C2: variants seen among roughly 807,000 people sequenced by gnomAD.
C2 encodes C3/C5 convertase.
A neutral mutation model predicts 85.2 loss-of-function variants in C2; 64 were observed. The observed-to-expected ratio is 0.75, with a 90% CI of 0.61 to 0.92. The LOEUF (loss-of-function observed/expected upper bound fraction) is 0.92, where lower values mean the gene tolerates loss of function less well. C2 is among the 40% of genes least tolerant of loss of function. The probability of loss-of-function intolerance (pLI) is 0.00; values close to 1 mark genes in which losing one functional copy is unlikely to be tolerated. For synonymous variants in C2, 311 were observed against 370.8 expected (o/e 0.84, Z 1.85); for missense variants, 820 against 971.6 (o/e 0.84, Z 2.07).
intron 2 of C2, 126 bp from the exon 3 acceptor site, chr6:31,928,606 T>C: frequency 1.1e-6 from 1 of 909,354 alleles, no homozygotes. Flanking sequence ...TGCAACCTAA[T>C]ATTTCAGTGT....
chr6:31,929,219 G>A (rs1170590075), intron 3 of C2, among the ~76,000 whole-genome samples: 1 of 152,162 alleles, frequency 6.6e-6, no homozygotes, highest in African/African-American at 2.4e-5. Context: ...ATTGTTGTAG[G>A]GAAGATATGC....
rs770639876 is a variant in C2, at chr6:31,927,822, G to T, written c.46+24G>T. ...AGGTAGGAGGCAGGGAAGGGGGAAC[G>T]TCAGGGTCCTGTGTGTGAGGTTGGT... On this transcript the variant is annotated intron_variant, in intron 1 of 17. Transcript: ENST00000299367. This position sits in a 1 kb window ranked among gnomAD's most constrained non-coding sequence, Gnocchi z 4.7. The T allele has an allele frequency of 6.2e-7, 1 of 1,611,166 alleles. No individual in the cohort carries two copies. Among genetic ancestry groups the T allele is most frequent in the Admixed American group, 1.7e-5 (1 of 59,996 alleles).
chr6:31,902,373 C>CCCGCGCCCCGCCCGCG (rs1767410094), intron 1 of C2, among the ~76,000 whole-genome samples: 1 of 151,886 alleles, frequency 6.6e-6, no homozygotes, highest in Non-Finnish European at 1.5e-5. Flanking sequence ...GCTCCGCGTC[C>CCCGCGCCCCGCCCGCG]CCGCGCCCCG....
rs377234403 is a variant in C2 at position 31,908,289 on chromosome 6, C to T, written c.73+7150C>T. ...GTCTACAGGCATGAGCCACCGTGCT[C>T]GGCCCAGATAAATCTTTTTATAAAA... On this transcript the variant is annotated intron_variant, in intron 1 of 3. Transcript: ENST00000452202. Among the ~76,000 whole-genome samples, 365 of 151,860 alleles carry T rather than the reference C, an allele frequency of 2.4e-3. 2 individuals carry two copies. The highest frequency in any genetic ancestry group is 7.7e-3 in the African/African-American group (317 of 41,330).
At chr6:31,937,992 A>G (rs548777901) in intron 8 of C2, among the ~76,000 whole-genome samples, 1 of 152,000 alleles carries the variant, frequency 6.6e-6, no homozygotes, top group African/African-American at 2.4e-5. Flanking sequence ...GTGACAGACC[A>G]AGATCCTACC....
At chr6:31,942,857 G>A (rs1770994098) in intron 9 of C2, 102 bp from the exon 10 acceptor site, 1 of 1,460,898 alleles carries the variant, frequency 6.8e-7, no homozygotes, top group East Asian at 2.3e-5. Context: ...TCCAGCTCAT[G>A]TAGGTCTTGA....
Position 31,912,919 on chromosome 6 carries a change from C to T in C2, c.73+11780C>T, listed in dbSNP as rs181318330. ...GGTTAATTTTATGTGTCAGGCCAAGCGCAGTGGCTCACGCCTGTAATCCCA... is the reference window on the plus strand; with the variant it reads ...GGTTAATTTTATGTGTCAGGCCAAGTGCAGTGGCTCACGCCTGTAATCCCA... On this transcript the variant is annotated intron_variant, in intron 1 of 3. Transcript: ENST00000452202. 4.9e-4 allele frequency among the ~76,000 whole-genome samples: 73 copies of T among 150,190 alleles called. No individual in the cohort carries two copies. The East Asian group carries it at 7.7e-3, about 16-fold the overall frequency.
upstream of C2, among the ~76,000 whole-genome samples, chr6:31,898,877 G>A (rs1276034362): frequency 2.0e-5 from 3 of 152,054 alleles, no homozygotes; most frequent in Non-Finnish European, 4.4e-5. Flanking sequence ...GTGGAGGGCT[G>A]GGGGTGGGGA....
Position 31,945,262 on chromosome 6 carries a change from G to A in C2, c.2164G>A (p.Val722Ile). ...NSRKRAPRSK[V>I]PPPRDFHINL... ...CCGCAAAAGGGCCCCTCGTAGCAAG[G>A]TCCCGCCGCCACGAGACTTTCACAT... The change falls in exon 18 of 18, where the codon GTC becomes ATC. Residue 722 changes from valine to isoleucine, a missense_variant. Physicochemically the swap from Val to Ile is conservative, Grantham distance 29. Transcript: ENST00000299367. This position sits in a 1 kb window ranked among gnomAD's most constrained non-coding sequence, Gnocchi z 5.3. 1 of 1,612,938 alleles carries A rather than the reference G, an allele frequency of 6.2e-7. No homozygotes were observed. The highest frequency in any genetic ancestry group is 8.5e-7 in the Non-Finnish European group (1 of 1,180,008).
chr6:31,940,224 G>A (rs1329648198), intron 9 of C2, among the ~76,000 whole-genome samples: 2 of 152,182 alleles, frequency 1.3e-5, no homozygotes, highest in African/African-American at 4.8e-5. Context: ...AGCTGACAGG[G>A]GAAGATGCTC....
chr6:31,933,493 C>A, intron 3 of C2, 117 bp from the exon 4 acceptor site: 1 of 1,021,394 alleles, frequency 9.8e-7, no homozygotes, highest in Non-Finnish European at 1.5e-6. Context: ...CTGGGACAGA[C>A]ATGGGTGCAT....
At chr6:31,925,362 G>C (rs1484520711), upstream of C2, among the ~76,000 whole-genome samples, 1 of 150,420 alleles carries the variant, frequency 6.6e-6, no homozygotes, top group Non-Finnish European at 1.5e-5. Flanking sequence ...GTGTGATCTC[G>C]GCTCACTGCA....
chr6:31,944,986 C>CT lies in C2; in HGVS notation c.2037dup (p.Gly680TrpfsTer7). ...TGTCACCCTTTGCTGGCAGGAGAAT[C>CT]TGGGGGAGCAGTTTTCCTTGAGCGG... On this transcript the variant is annotated frameshift_variant, in exon 17 of 18. Transcript: ENST00000299367. LOFTEE classifies it low-confidence loss of function (END_TRUNC). The surrounding 1 kb of genome is among the most constrained non-coding windows in gnomAD (Gnocchi z 5.1). 1 of 1,613,084 alleles carries CT rather than the reference C, an allele frequency of 6.2e-7. No individual in the cohort carries two copies. The highest frequency in any genetic ancestry group is 8.5e-7 in the Non-Finnish European group (1 of 1,180,036).
rs1768921335 is a variant in C2, at chr6:31,920,945, G to T, written c.-100+919G>T. Among the ~76,000 whole-genome samples the T allele has an allele frequency of 6.6e-6, 1 of 152,196 alleles. No individual in the cohort carries two copies. Among genetic ancestry groups the T allele is most frequent in the African/African-American group, 2.4e-5 (1 of 41,442 alleles). ...CTCTGAGGCCCAGGGCCCTGGAAGA[G>T]CCTGGGCATGGGGAGGAGCCCCATG... On this transcript the variant is annotated intron_variant, in intron 1 of 3. Coordinates refer to the C2 transcript ENST00000413154. This position sits in a 1 kb window ranked among gnomAD's most constrained non-coding sequence, Gnocchi z 5.6.
At chr6:31,916,419 C>T (rs772692450), upstream of C2, among the ~76,000 whole-genome samples, 1 of 151,970 alleles carries the variant, frequency 6.6e-6, no homozygotes, top group Admixed American at 6.6e-5. Flanking sequence ...ATTAGCCTGG[C>T]GTGGTGGCAT....
At position 31,945,016 on chromosome 6, in the gene C2, T is replaced by C. The variant is rs1012244483; in HGVS notation, c.2066T>C (p.Phe689Ser). 4.3e-6 allele frequency: 7 copies of C among 1,612,874 alleles called. No individual in the cohort carries two copies. The African/African-American group carries it at 9.3e-5, about 22-fold the overall frequency. ...SGGAVFLERR[F>S]RFFQVGLVSW... ...GGAGCAGTTTTCCTTGAGCGGAGAT[T>C]CAGGTTTTTTCAGGTGAGAAGGTAG... Residue 689 changes from phenylalanine (F) to serine (S), a missense_variant, in exon 17 of 18, where the codon TTC becomes TCC. Transcript: ENST00000299367. The surrounding 1 kb of genome is among the most constrained non-coding windows in gnomAD (Gnocchi z 5.3).
In C2 at chr6:31,933,590, C is replaced by A. The variant is rs745844317; in HGVS notation, c.443-20C>A. ...ATGGGAGGGGGCTACTCACCTCTGC[C>A]TTCCTTTGTTCACTCGCAGCTGGCC... On this transcript the variant is annotated intron_variant, in intron 3 of 17. Transcript: ENST00000299367. 1.2e-5 allele frequency: 19 copies of A among 1,612,584 alleles called. No homozygotes were observed. Among genetic ancestry groups the A allele is most frequent in the Admixed American group, 3.3e-5 (2 of 59,998 alleles).
Position 31,943,499 on chromosome 6 carries a change from C to T in C2, c.1539C>T (p.Asn513=), listed in dbSNP as rs368351699. 1.5e-5 allele frequency: 24 copies of T among 1,612,900 alleles called. No homozygotes were observed. The highest frequency in any genetic ancestry group is 5.5e-5 in the South Asian group (5 of 91,092). ...LTAAHCFRDG[N]DHSLWRVNVG... ...CAGCTCATTGCTTCCGCGATGGCAA[C>T]GACCACTCCCTGTGGAGGGTCAATG... Residue 513 remains asparagine (N), a synonymous_variant, in exon 12 of 18, where the codon AAC becomes AAT. Coordinates refer to ENST00000299367, the MANE Select transcript of C2 (RefSeq NM_000063.6). This position sits in a 1 kb window ranked among gnomAD's most constrained non-coding sequence, Gnocchi z 6.4.
At chr6:31,908,474 G>A (rs558186290) in intron 1 of C2, among the ~76,000 whole-genome samples, 2 of 151,474 alleles carry the variant, frequency 1.3e-5, no homozygotes, top group African/African-American at 4.9e-5. Context: ...CCAACATGGT[G>A]AAACCCAATC....
Sources: allele counts gnomAD v4.1 joint callset (sites outside exome capture counted in the v4.1 genomes callset), GRCh38; gene constraint gnomAD v4.1.1; non-coding constraint Gnocchi (gnomAD v3.1); transcripts MANE v1.5; gene names NCBI Gene and HGNC (gene_info 2026-07-23, HGNC 2026-07-21).